The following TANGO6 variants were observed in gnomAD, a reference collection of about 807,000 sequenced individuals.
TANGO6 encodes transport and golgi organization 6 homolog.
Under a neutral mutation model 114.2 loss-of-function variants are expected in TANGO6, and 90 were observed. The ratio of observed to expected loss-of-function variants is 0.79; its 90% CI spans 0.66 to 0.94. The LOEUF (loss-of-function observed/expected upper bound fraction) is 0.94. TANGO6 is among the 40% of genes least tolerant of loss of function. The pLI, the probability that TANGO6 is intolerant of heterozygous loss-of-function variation, is 0.00. For synonymous variants in TANGO6, 477 were observed against 509.8 expected (o/e 0.94, Z 0.87); for missense variants, 1,274 against 1,315.3 (o/e 0.97, Z 0.49).
intron 9 of TANGO6, among the ~76,000 whole-genome samples, chr16:68,905,171 G>A (rs1341897718): frequency 6.6e-5 from 10 of 151,916 alleles, no homozygotes; most frequent in Admixed American, 1.3e-4. Context: ...CAGAGGTTGC[G>A]GTGGGCCGAG....
At chr16:68,890,744 G>A (rs893863023) in intron 7 of TANGO6, among the ~76,000 whole-genome samples, 1 of 151,998 alleles carries the variant, frequency 6.6e-6, no homozygotes, top group African/African-American at 2.4e-5. Flanking sequence ...AATTAGGCCA[G>A]GCGTGGTGGC....
chr16:69,043,266 G>A (rs1356067181), intron 17 of TANGO6, among the ~76,000 whole-genome samples: 1 of 145,124 alleles, frequency 6.9e-6, no homozygotes, highest in African/African-American at 2.5e-5. Context: ...AAGTGAGAGC[G>A]AGCGAGAGAC....
chr16:68,991,133 T>G (rs900834037), intron 15 of TANGO6, among the ~76,000 whole-genome samples: 5 of 152,156 alleles, frequency 3.3e-5, no homozygotes, highest in Non-Finnish European at 5.9e-5. Context: ...GAGGCTGTGT[T>G]GGGTACCTTG....
chr16:68,848,642 A>G (rs7185807), intron 1 of TANGO6, among the ~76,000 whole-genome samples: 7,120 of 152,240 alleles, frequency 0.047, 223 homozygotes, highest in East Asian at 0.072. Context: ...TTTTCTGTGC[A>G]TATAAACACG....
intron 14 of TANGO6, among the ~76,000 whole-genome samples, chr16:68,945,150 A>AAAG (rs1228946106): frequency 6.6e-6 from 1 of 152,166 alleles, no homozygotes; most frequent in African/African-American, 2.4e-5. Flanking sequence ...CAAAAACAAA[A>AAAG]AAGAAGAAGA....
chr16:68,889,747 G>T (rs1962586380), intron 7 of TANGO6, among the ~76,000 whole-genome samples: 1 of 152,166 alleles, frequency 6.6e-6, no homozygotes, highest in African/African-American at 2.4e-5. Context: ...TTGGAATCTG[G>T]CTCCAAAGTT....
intron 15 of TANGO6, among the ~76,000 whole-genome samples, chr16:68,987,315 T>C (rs1368205461): frequency 1.3e-5 from 2 of 152,234 alleles, no homozygotes; most frequent in African/African-American, 4.8e-5. Context: ...GTGGAATTAC[T>C]GGGTCATAGG....
At chr16:69,065,957 G>A (rs1469547076) in intron 17 of TANGO6, among the ~76,000 whole-genome samples, 3 of 152,076 alleles carry the variant, frequency 2.0e-5, no homozygotes, top group Admixed American at 1.3e-4. Context: ...TTTGTTTCCT[G>A]CCCATTATCT....
chr16:68,927,419 T>A (rs1166345003), intron 12 of TANGO6, 149 bp from the exon 13 acceptor site: 2 of 729,478 alleles, frequency 2.7e-6, no homozygotes, highest in Admixed American at 2.9e-5. Context: ...CAAATGGTAT[T>A]CAGTGCTGGA....
intron 11 of TANGO6, among the ~76,000 whole-genome samples, chr16:68,916,409 AT>A (rs1963006067): frequency 6.6e-6 from 1 of 152,010 alleles, no homozygotes; most frequent in Non-Finnish European, 1.5e-5. Context: ...ACACCTGATG[AT>A]CTGAGGTGGA....
At chr16:68,858,191 G>A (rs1189163676) in intron 1 of TANGO6, among the ~76,000 whole-genome samples, 2 of 151,826 alleles carry the variant, frequency 1.3e-5, no homozygotes, top group Non-Finnish European at 2.9e-5. Context: ...AGCCTCCTGA[G>A]TGGCTGGAAT....
At chr16:68,946,944 G>A (rs1370378327) in intron 14 of TANGO6, among the ~76,000 whole-genome samples, 1 of 152,042 alleles carries the variant, frequency 6.6e-6, no homozygotes, top group Non-Finnish European at 1.5e-5. Context: ...GATCCATTTC[G>A]AGCTAATTTT....
chr16:68,889,904 A>G lies in TANGO6; in HGVS notation c.1377+9274A>G, dbSNP rs1338523336. Among the ~76,000 whole-genome samples, 6 of 152,360 alleles carry G rather than the reference A, an allele frequency of 3.9e-5. No homozygotes were observed. The South Asian group carries it at 1.2e-3, about 32-fold the overall frequency. ...TTTGGTTCAGGGAAACTTGTTTTTTAAAAAGACGATCTTATGCAATATGTT... is the reference window on the plus strand; with the variant it reads ...TTTGGTTCAGGGAAACTTGTTTTTTGAAAAGACGATCTTATGCAATATGTT... On this transcript the variant is annotated intron_variant, in intron 7 of 17. Transcript: ENST00000261778.
chr16:68,941,845 T>C (rs971861435), intron 14 of TANGO6, among the ~76,000 whole-genome samples: 10 of 152,050 alleles, frequency 6.6e-5, no homozygotes, highest in African/African-American at 2.4e-4. Context: ...CAGTTGGGCA[T>C]AGTGGCATGT....
At chr16:68,968,190 C>T (rs1023805978) in intron 14 of TANGO6, among the ~76,000 whole-genome samples, 1 of 151,970 alleles carries the variant, frequency 6.6e-6, no homozygotes, top group Non-Finnish European at 1.5e-5. Flanking sequence ...CTCAGCCTCC[C>T]GAATAGCTGG....
Position 69,073,489 on chromosome 16 carries a change from T to C in TANGO6, c.3109-9996T>C, listed in dbSNP as rs190378591. On this transcript the variant is annotated intron_variant, in intron 17 of 17. Coordinates refer to ENST00000261778, the MANE Select transcript of TANGO6 (RefSeq NM_024562.2). ...GGAGGGTTCGTGCCTTATTCATCTT[T>C]TTTATCGCCAGCACAGTGCCTGGGC... Among the ~76,000 whole-genome samples, 73 of 152,326 alleles carry C rather than the reference T, an allele frequency of 4.8e-4. No individual in the cohort carries two copies. The East Asian group carries it at 0.012, about 25-fold the overall frequency.
chr16:68,979,387 G>A (rs955461047), intron 15 of TANGO6, among the ~76,000 whole-genome samples: 5 of 151,976 alleles, frequency 3.3e-5, no homozygotes, highest in African/African-American at 4.8e-5. Context: ...GTGCCACTGC[G>A]TCCAACTAAT....
At chr16:68,907,077 G>A (rs1004165674) in intron 9 of TANGO6, among the ~76,000 whole-genome samples, 19 of 149,662 alleles carry the variant, frequency 1.3e-4, no homozygotes, top group African/African-American at 4.4e-4. Context: ...TTACAGGTGT[G>A]AGCCACCTCA....
At chr16:68,996,879 C>T (rs1229447794) in intron 15 of TANGO6, among the ~76,000 whole-genome samples, 1 of 152,114 alleles carries the variant, frequency 6.6e-6, no homozygotes, top group Non-Finnish European at 1.5e-5. Flanking sequence ...TAATTGAGAT[C>T]CTGGAGCCTG....
Sources: gnomAD v4.1 joint callset for allele counts (sites outside exome capture counted in the v4.1 genomes callset) on GRCh38, gnomAD v4.1.1 for gene constraint, MANE v1.5 for transcripts, NCBI Gene and HGNC (gene_info 2026-07-23, HGNC 2026-07-21) for gene names.